The following ROBO3 variants were observed in gnomAD, a reference collection of about 807,000 sequenced individuals.
ROBO3 encodes roundabout guidance receptor 3.
A neutral mutation model predicts 160.5 loss-of-function variants in ROBO3; 97 were observed. The observed-to-expected ratio is 0.60, with a 90% CI of 0.51 to 0.72. The LOEUF (loss-of-function observed/expected upper bound fraction) is 0.72, where lower values mean the gene tolerates loss of function less well. Ranked by LOEUF, ROBO3 falls within the 30% of genes least tolerant of loss-of-function variation. The pLI is 0.00. For missense variants in ROBO3, 1,858 were observed against 1,846.5 expected (o/e 1.01, Z -0.11); for synonymous variants, 780 against 746.2 (o/e 1.05, Z -0.74).
chr11:124,875,940 C>T lies in ROBO3; in HGVS notation c.2422-14C>T. On this transcript the variant is annotated splice_polypyrimidine_tract_variant and intron_variant, in intron 15 of 27. Coordinates refer to ENST00000397801, the MANE Select transcript of ROBO3 (RefSeq NM_022370.4). Reference sequence around the variant, plus strand: ...CCCATTTCTGACTCTAAATCCGGGACTCGGCCTCCCTAGATCTGGTGCCTG... The same window carrying T: ...CCCATTTCTGACTCTAAATCCGGGATTCGGCCTCCCTAGATCTGGTGCCTG... 6.3e-7 allele frequency: 1 copy of T among 1,588,848 alleles called. No individual in the cohort carries two copies. The highest frequency in any genetic ancestry group is 8.6e-7 in the Non-Finnish European group (1 of 1,167,782).
chr11:124,878,157 GT>G lies in ROBO3; in HGVS notation c.3181+29del. ...GTATGACTCCAACTCCTGAAACCCC[GT>G]TTAGCCCTGACCAGGGTATCCCCAA... On this transcript the variant is annotated intron_variant, in intron 21 of 27. Coordinates refer to ENST00000397801, the MANE Select transcript of ROBO3 (RefSeq NM_022370.4). The surrounding 1 kb of genome is among the most constrained non-coding windows in gnomAD (Gnocchi z 4.3). The G allele has an allele frequency of 6.3e-7, 1 of 1,585,808 alleles. No individual in the cohort carries two copies. The highest frequency in any genetic ancestry group is 8.6e-7 in the Non-Finnish European group (1 of 1,165,700).
intron 14 of ROBO3, 107 bp from the exon 15 acceptor site, chr11:124,875,457 C>A: frequency 6.3e-7 from 1 of 1,577,528 alleles, no homozygotes; most frequent in Non-Finnish European, 8.6e-7. Flanking sequence ...GGAGGAATGG[C>A]TCTCAGTTCC....
rs771022834 is a variant in ROBO3 at position 124,877,159 on chromosome 11, A to C, written c.2780-2A>C. The C allele has an allele frequency of 6.2e-7, 1 of 1,613,738 alleles. No homozygotes were observed. The highest frequency in any genetic ancestry group is 8.5e-7 in the Non-Finnish European group (1 of 1,179,808). On this transcript the variant is annotated splice_acceptor_variant, in intron 17 of 27. Coordinates refer to ENST00000397801, the MANE Select transcript of ROBO3 (RefSeq NM_022370.4). LOFTEE classifies it high-confidence loss of function. ...TTTCTCCCACGGGTTCCTTTCTGGA[A>C]GCCTCTTTTGCCTACACACCGGCAG...
At position 124,873,539 on chromosome 11, in the gene ROBO3, T is replaced by C. The variant is rs1946306828; in HGVS notation, c.1618+148T>C. 2.8e-5 allele frequency: 28 copies of C among 1,002,300 alleles called. No individual in the cohort carries two copies. The highest frequency in any genetic ancestry group is 4.2e-5 in the Non-Finnish European group (28 of 669,938). The allele number at this position is 1,002,300 out of a possible 1,614,324, so 62.1% of individuals were successfully genotyped here. On this transcript the variant is annotated intron_variant, in intron 10 of 27. Transcript: ENST00000397801. The surrounding 1 kb of genome is among the most constrained non-coding windows in gnomAD (Gnocchi z 4.5). Reference sequence around the variant, plus strand: ...GTGAGGATGAGAAGGACAGTAGTGGTACCCATGGGAGGCAGATGTGAGTAG... The same window carrying C: ...GTGAGGATGAGAAGGACAGTAGTGGCACCCATGGGAGGCAGATGTGAGTAG...
In ROBO3 at chr11:124,879,773, A is replaced by G; in HGVS notation, c.3797-14A>G. On this transcript the variant is annotated splice_polypyrimidine_tract_variant and intron_variant, in intron 25 of 27. Transcript: ENST00000397801. ...AGTGGCAGGAGGCTCCGCTGAAAAC[A>G]GCTCCCTCCCCAGACTTGCCCCCAC... 1 of 1,612,852 alleles carries G rather than the reference A, an allele frequency of 6.2e-7. No individual in the cohort carries two copies. Among genetic ancestry groups the G allele is most frequent in the Non-Finnish European group, 8.5e-7 (1 of 1,179,540 alleles).
rs1350559653 is a variant in ROBO3 at position 124,869,753 on chromosome 11, G to T, written c.645+146G>T. On this transcript the variant is annotated intron_variant, in intron 3 of 27. Coordinates refer to ENST00000397801, the MANE Select transcript of ROBO3 (RefSeq NM_022370.4). The surrounding 1 kb of genome is among the most constrained non-coding windows in gnomAD (Gnocchi z 4.2). ...GTGAGGGATAAGGAAGACGGAATTG[G>T]TATAAAAAAGGGGCGGGGGCATGAT... The T allele has an allele frequency of 8.0e-7, 1 of 1,257,370 alleles. No homozygotes were observed. The highest frequency in any genetic ancestry group is 2.4e-5 in the Admixed American group (1 of 42,272). 77.9% of individuals were successfully genotyped at this position (1,257,370 alleles called of 1,614,324 possible).
At chr11:124,875,908 T>C in intron 15 of ROBO3, 46 bp from the exon 16 acceptor site, 1 of 1,566,284 alleles carries the variant, frequency 6.4e-7, no homozygotes, top group Non-Finnish European at 8.7e-7. Context: ...CCGGTGAGGC[T>C]AAGAATCCCA....
chr11:124,873,449 C>T lies in ROBO3; in HGVS notation c.1618+58C>T. On this transcript the variant is annotated intron_variant, in intron 10 of 27. Transcript: ENST00000397801. The surrounding 1 kb of genome is among the most constrained non-coding windows in gnomAD (Gnocchi z 4.5). ...ATACCTTCCTCCAAACCTGCTTCAACAGGTAGTCGATACCTCCTCAAACTC... is the reference window on the plus strand; with the variant it reads ...ATACCTTCCTCCAAACCTGCTTCAATAGGTAGTCGATACCTCCTCAAACTC... 1 of 1,426,376 alleles carries T rather than the reference C, an allele frequency of 7.0e-7. No homozygotes were observed. Among genetic ancestry groups the T allele is most frequent in the Non-Finnish European group, 9.7e-7 (1 of 1,027,342 alleles). The allele number at this position is 1,426,376 out of a possible 1,614,324, so 88.4% of individuals were successfully genotyped here. A position where few individuals can be genotyped will look rare whatever the true frequency, so the allele number is the denominator to read the frequency against.
Position 124,878,867 on chromosome 11 carries a change from G to A in ROBO3, c.3533+71G>A. ...TATCTACTCAGTAGATGACTGGGTG[G>A]GTGGATGGATGGATGGGTGGATGGA... On this transcript the variant is annotated intron_variant, in intron 23 of 27. Transcript: ENST00000397801. The surrounding 1 kb of genome is among the most constrained non-coding windows in gnomAD (Gnocchi z 4.3). The A allele has an allele frequency of 7.7e-7, 1 of 1,305,334 alleles. No homozygotes were observed. The highest frequency in any genetic ancestry group is 1.1e-6 in the Non-Finnish European group (1 of 929,770). The allele number at this position is 1,305,334 out of a possible 1,614,324, so 80.9% of individuals were successfully genotyped here. A position where few individuals can be genotyped will look rare whatever the true frequency, so the allele number is the denominator to read the frequency against.
At chr11:124,868,522 G>A (rs952928361) in intron 1 of ROBO3, 1 of 601,254 alleles carries the variant, frequency 1.7e-6, no homozygotes, top group African/African-American at 1.9e-5. Flanking sequence ...AGGAGACGGA[G>A]GTCTCTAGGT....
At chr11:124,868,480 G>C (rs546777472) in intron 1 of ROBO3, 27 of 594,398 alleles carry the variant, frequency 4.5e-5, no homozygotes, top group East Asian at 3.9e-4. Flanking sequence ...GCCAAGCGTG[G>C]TTCAGCCACT....
chr11:124,879,050 C>G (rs1022238130), intron 23 of ROBO3, 140 bp from the exon 24 acceptor site: 15 of 1,024,906 alleles, frequency 1.5e-5, no homozygotes, highest in Non-Finnish European at 2.1e-5. Flanking sequence ...CCTTATGCTT[C>G]TCTAGCTTGG....
chr11:124,877,879 T>G, intron 20 of ROBO3, 58 bp from the exon 21 acceptor site: 1 of 1,285,450 alleles, frequency 7.8e-7, no homozygotes, highest in Non-Finnish European at 1.1e-6. Flanking sequence ...TGTCTTCCAT[T>G]CTGTTGTCCT....
Position 124,870,606 on chromosome 11 carries a change from A to G in ROBO3, c.911A>G (p.Glu304Gly), listed in dbSNP as rs769324991. Residue 304 changes from glutamate to glycine, a missense_variant, in exon 6 of 28, where the codon GAG becomes GGG. By Grantham distance (98) the Glu-to-Gly change is moderately conservative. Coordinates refer to ENST00000397801, the MANE Select transcript of ROBO3 (RefSeq NM_022370.4). ...TGGGGTGGGGAGTGGAGCAGGTATG[A>G]GATCCGGAGTGACCACAGCCTTTGG... ...EDGELPTGRY[E>G]IRSDHSLWIG... 6.2e-7 allele frequency: 1 copy of G among 1,613,770 alleles called. No individual in the cohort carries two copies. The highest frequency in any genetic ancestry group is 2.2e-5 in the East Asian group (1 of 44,878).
Position 124,872,293 on chromosome 11 carries a change from T to C in ROBO3, c.1159-88T>C. The C allele has an allele frequency of 8.2e-7, 1 of 1,220,152 alleles. No individual in the cohort carries two copies. The highest frequency in any genetic ancestry group is 1.2e-6 in the Non-Finnish European group (1 of 823,288). The allele number at this position is 1,220,152 out of a possible 1,614,324, so 75.6% of individuals were successfully genotyped here. A position where few individuals can be genotyped will look rare whatever the true frequency, so the allele number is the denominator to read the frequency against. ...CGATGAACTAGAATCATAGGAATTC[T>C]CTGAATTTTGAGATTGACAGGAATG... On this transcript the variant is annotated intron_variant, in intron 7 of 27. Coordinates refer to ENST00000397801, the MANE Select transcript of ROBO3 (RefSeq NM_022370.4). The surrounding 1 kb of genome is among the most constrained non-coding windows in gnomAD (Gnocchi z 4.3).
intron 12 of ROBO3, 41 bp from the exon 13 acceptor site, chr11:124,874,747 G>A (rs546691931): frequency 1.9e-6 from 3 of 1,580,900 alleles, no homozygotes; most frequent in Admixed American, 1.8e-5. Context: ...CTATCTCCCT[G>A]TCCCTGGTGG....
Position 124,869,300 on chromosome 11 carries a change from G to A in ROBO3, c.488-150G>A. On this transcript the variant is annotated intron_variant, in intron 2 of 27. Coordinates refer to ENST00000397801, the MANE Select transcript of ROBO3 (RefSeq NM_022370.4). This position sits in a 1 kb window ranked among gnomAD's most constrained non-coding sequence, Gnocchi z 4.2. ...CCACACCACGGCCAGAGAAGGAAGT[G>A]GATCTGACTCCAGGCTGATATTTTC... is the stretch of plus-strand genomic sequence containing the variant. 1.9e-6 allele frequency: 2 copies of A among 1,077,314 alleles called. No homozygotes were observed. Among genetic ancestry groups the A allele is most frequent in the Admixed American group, 4.0e-5 (2 of 50,378 alleles). 66.7% of individuals were successfully genotyped at this position (1,077,314 alleles called of 1,614,324 possible).
chr11:124,872,249 C>A lies in ROBO3; in HGVS notation c.1159-132C>A. Reference sequence around the variant, plus strand: ...CATTTAACTACTTTGCCCAAGTTCACATCACTGCTGGAGACAGACGATGAA... The same window carrying A: ...CATTTAACTACTTTGCCCAAGTTCAAATCACTGCTGGAGACAGACGATGAA... On this transcript the variant is annotated intron_variant, in intron 7 of 27. Coordinates refer to ENST00000397801, the MANE Select transcript of ROBO3 (RefSeq NM_022370.4). This position sits in a 1 kb window ranked among gnomAD's most constrained non-coding sequence, Gnocchi z 4.3. 1 of 839,812 alleles carries A rather than the reference C, an allele frequency of 1.2e-6. No individual in the cohort carries two copies. The allele number at this position is 839,812 out of a possible 1,614,324, so 52.0% of individuals were successfully genotyped here. A position where few individuals can be genotyped will look rare whatever the true frequency, so the allele number is the denominator to read the frequency against.
Position 124,879,852 on chromosome 11 carries a change from G to A in ROBO3, c.3862G>A (p.Ala1288Thr), listed in dbSNP as rs753950047. 1 of 1,613,760 alleles carries A rather than the reference G, an allele frequency of 6.2e-7. No homozygotes were observed. The highest frequency in any genetic ancestry group is 2.2e-5 in the East Asian group (1 of 44,868). Residue 1288 changes from alanine (A) to threonine (T), a missense_variant, in exon 26 of 28, where the codon GCA (alanine) becomes ACA (threonine). By Grantham distance (58) the Ala-to-Thr change is moderately conservative. Transcript: ENST00000397801. ...GAGCTGGGCCCTAGAGCTGAGGGCA[G>A]CAGGCAGCATGTCCTCCCTGGAGCG... ...EASWALELRA[A>T]GSMSSLERER...
Sources: gnomAD v4.1 joint callset for allele counts on GRCh38, gnomAD v4.1.1 for gene constraint, Gnocchi (gnomAD v3.1) non-coding constraint, MANE v1.5 for transcripts, NCBI Gene and HGNC (gene_info 2026-07-23, HGNC 2026-07-21) for gene names.